The following DISP1 variants were observed in gnomAD, a reference collection of about 807,000 sequenced individuals.
The protein encoded by DISP1 is protein dispatched homolog 1.
DISP1 carries 30 observed loss-of-function variants against 37.3 expected under a neutral mutation model. The observed-to-expected ratio is 0.80, with a 90% confidence interval of 0.60 to 1.09. The LOEUF (loss-of-function observed/expected upper bound fraction) is 1.09, where lower values mean the gene tolerates loss of function less well. Among genes scored for constraint, DISP1 ranks in the 50% least tolerant of loss-of-function variants. The probability of loss-of-function intolerance (pLI) is 0.00; values close to 1 mark genes in which losing one functional copy is unlikely to be tolerated. For synonymous variants in DISP1, 634 were observed against 690.2 expected (o/e 0.92, Z 1.28); for missense variants, 1,598 against 1,879.5 (o/e 0.85, Z 2.77).
At chr1:222,983,134 T>A in intron 4 of DISP1, 25 bp downstream of exon 4, 1 of 1,570,514 alleles carries the variant, frequency 6.4e-7, no homozygotes, top group Non-Finnish European at 8.8e-7. Flanking sequence ...GTCATCTTAT[T>A]AAATAATAAA....
intron 3 of DISP1, among the ~76,000 whole-genome samples, chr1:222,951,106 T>C (rs1675186413): frequency 6.6e-6 from 1 of 152,156 alleles, no homozygotes; most frequent in African/African-American, 2.4e-5. Flanking sequence ...TGTGACTCAC[T>C]AGAGGAATTA....
chr1:222,881,131 G>A (rs1670248858), intron 1 of DISP1, among the ~76,000 whole-genome samples: 1 of 152,140 alleles, frequency 6.6e-6, no homozygotes. Flanking sequence ...TAATTTGTTT[G>A]ACCTTGACAG....
rs568384229 is a variant in DISP1 at position 222,881,187 on chromosome 1, A to AT, written c.-158-47234dup. On this transcript the variant is annotated intron_variant, in intron 1 of 8. Transcript: ENST00000675850. ...GCAGAACTTGTCAATATCTTTTAGAATTTTTTTTTATTTTTTATTTTTTTT... is the reference window on the plus strand; with the variant it reads ...GCAGAACTTGTCAATATCTTTTAGAATTTTTTTTTTATTTTTTATTTTTTTT... 3.8e-3 allele frequency among the ~76,000 whole-genome samples: 576 copies of AT among 151,868 alleles called. 6 individuals carry two copies. Among genetic ancestry groups the AT allele is most frequent in the African/African-American group, 0.013 (547 of 41,422 alleles).
chr1:222,871,936 G>A (rs1350568677), intron 1 of DISP1, among the ~76,000 whole-genome samples: 2 of 152,142 alleles, frequency 1.3e-5, no homozygotes, highest in Non-Finnish European at 2.9e-5. Context: ...GTCATAGATA[G>A]CTCTTATTAT....
intron 3 of DISP1, among the ~76,000 whole-genome samples, chr1:222,969,032 T>A (rs1470278297): frequency 6.6e-6 from 1 of 151,808 alleles, no homozygotes; most frequent in Admixed American, 6.6e-5. Context: ...AAAACTAACA[T>A]CTGGATCAAG....
chr1:222,852,893 G>A (rs1668346293), intron 1 of DISP1, among the ~76,000 whole-genome samples: 1 of 151,888 alleles, frequency 6.6e-6, no homozygotes, highest in African/African-American at 2.4e-5. Flanking sequence ...TGAGTGCCTG[G>A]CATATGGGGG....
intron 3 of DISP1, among the ~76,000 whole-genome samples, chr1:222,982,117 A>G (rs747474871): frequency 2.0e-5 from 3 of 152,246 alleles, no homozygotes; most frequent in Admixed American, 6.5e-5. Context: ...AAGTTTAGCA[A>G]GATAAGTATC....
In DISP1 at chr1:223,005,749, A is replaced by C. The variant is rs763978032; in HGVS notation, c.4352A>C (p.Asn1451Thr). 15 of 1,614,192 alleles carry C rather than the reference A, an allele frequency of 9.3e-6. No individual in the cohort carries two copies. The South Asian group carries it at 1.6e-4, about 18-fold the overall frequency. Residue 1451 changes from asparagine (N) to threonine (T), a missense_variant, in exon 9 of 9, where the codon AAC (asparagine) becomes ACC (threonine). Coordinates refer to ENST00000675850, the MANE Select transcript of DISP1 (RefSeq NM_001377229.1). The part of the protein sequence containing the change: ...LSLSQTDASV[N>T]SEHFNQNEPK... ...TTGTCACAGACGGATGCAAGTGTGAACTCAGAACATTTCAATCAGAATGAA... is the reference window on the plus strand; with the variant it reads ...TTGTCACAGACGGATGCAAGTGTGACCTCAGAACATTTCAATCAGAATGAA...
Position 223,003,417 on chromosome 1 carries a change from C to T in DISP1, c.2020C>T (p.Gln674Ter). ...TATATTCACTTGCTTCAAAAAGCCC[C>T]AGCAGCAAATATATGATAACAAAAG... is the stretch of plus-strand genomic sequence containing the variant. Reference protein sequence around the residue: ...LNIFTCFKKPQQQIYDNKSCW... With the variant: ...LNIFTCFKKP Residue 674 changes from glutamine to a stop codon, truncating the protein, a stop_gained, in exon 9 of 9, where the codon CAG becomes TAG. Transcript: ENST00000675850. LOFTEE classifies it low-confidence loss of function (END_TRUNC). The surrounding 1 kb of genome is among the most constrained non-coding windows in gnomAD (Gnocchi z 4.3). 1 of 1,614,126 alleles carries T rather than the reference C, an allele frequency of 6.2e-7. No homozygotes were observed.
intron 4 of DISP1, among the ~76,000 whole-genome samples, chr1:222,988,665 T>C (rs911697881): frequency 4.7e-5 from 7 of 148,080 alleles, no homozygotes; most frequent in South Asian, 2.2e-4. Context: ...TCTTTCTCTT[T>C]TTTTTTTTTT....
At chr1:222,827,270 A>G (rs1056909370) in intron 1 of DISP1, 1 of 152,160 alleles carries the variant, frequency 6.6e-6, no homozygotes, top group Admixed American at 6.5e-5. Context: ...TTATTCTGTA[A>G]ATGTACAGAT....
At chr1:222,834,288 A>C (rs948152863) in intron 1 of DISP1, among the ~76,000 whole-genome samples, 2 of 152,186 alleles carry the variant, frequency 1.3e-5, no homozygotes, top group Non-Finnish European at 2.9e-5. Flanking sequence ...TTGGATAGAT[A>C]AGCTAACTCT....
rs772491387 is a variant in DISP1 at position 223,002,684 on chromosome 1, T to C, written c.1287T>C (p.His429=). ...ACAATGCTGTGTACCAGATCCTCCA[T>C]TACTTGGTGGACAAAGACTTTATGA... ...TKYNAVYQIL[H]YLVDKDFMTP... The change falls in exon 9 of 9, where the codon CAT becomes CAC. Residue 429 remains histidine, a synonymous_variant. Transcript: ENST00000675850. 1 of 1,614,102 alleles carries C rather than the reference T, an allele frequency of 6.2e-7. No homozygotes were observed. Among genetic ancestry groups the C allele is most frequent in the East Asian group, 2.2e-5 (1 of 44,878 alleles).
chr1:222,896,552 G>C (rs1240045454), intron 1 of DISP1, among the ~76,000 whole-genome samples: 1 of 151,254 alleles, frequency 6.6e-6, no homozygotes, highest in African/African-American at 2.4e-5. Context: ...AGTGAGCTGA[G>C]ATCGCACCAT....
At chr1:222,906,039 A>G (rs1043566902) in intron 1 of DISP1, among the ~76,000 whole-genome samples, 12 of 152,204 alleles carry the variant, frequency 7.9e-5, no homozygotes, top group African/African-American at 2.7e-4. Flanking sequence ...AATATCAAGA[A>G]GGAAGGCTTA....
chr1:222,851,051 T>C (rs74624255), intron 1 of DISP1, among the ~76,000 whole-genome samples: 3,943 of 150,920 alleles, frequency 0.026, 74 homozygotes, highest in Non-Finnish European at 0.04. Context: ...TTTATGAATA[T>C]GCATTTTTAA....
chr1:222,833,582 G>T (rs1666298469), intron 1 of DISP1, among the ~76,000 whole-genome samples: 1 of 152,166 alleles, frequency 6.6e-6, no homozygotes, highest in Non-Finnish European at 1.5e-5. Flanking sequence ...TTGGTGCTGT[G>T]CCTTGTTCTT....
chr1:222,878,981 A>C (rs1670125152), intron 1 of DISP1, among the ~76,000 whole-genome samples: 1 of 152,128 alleles, frequency 6.6e-6, no homozygotes, highest in African/African-American at 2.4e-5. Context: ...TAAAGGAAGC[A>C]TTTTAATTAA....
At chr1:222,951,664 G>T (rs1389187806) in intron 3 of DISP1, among the ~76,000 whole-genome samples, 1 of 152,206 alleles carries the variant, frequency 6.6e-6, no homozygotes, top group Non-Finnish European at 1.5e-5. Flanking sequence ...AATGAATGGA[G>T]AAATTCAGAG....
Sources: gnomAD v4.1 joint callset for allele counts (sites outside exome capture counted in the v4.1 genomes callset) on GRCh38, gnomAD v4.1.1 for gene constraint, Gnocchi (gnomAD v3.1) non-coding constraint, MANE v1.5 for transcripts, NCBI Gene and HGNC (gene_info 2026-07-23, HGNC 2026-07-21) for gene names.